Variants in DMAC1 observed in about 807,000 individuals in gnomAD.
DMAC1 encodes the protein distal membrane-arm assembly complex protein 1.
In DMAC1, 10 loss-of-function variants were observed where a neutral mutation model predicts 7.0. The ratio of observed to expected loss-of-function variants is 1.43; its 90% CI spans 0.88 to 2.43. The LOEUF is 2.43. Ranked by LOEUF, DMAC1 falls within the 30% of genes most tolerant of loss-of-function variation. The pLI, the probability that DMAC1 is intolerant of heterozygous loss-of-function variation, is 0.00. For missense variants in DMAC1, 219 were observed against 158.7 expected (o/e 1.38, Z -2.04); for synonymous variants, 92 against 66.2 (o/e 1.39, Z -1.90).
At chr9:7,799,368 GCC>G in intron 1 of DMAC1, 91 bp downstream of exon 1, 1 of 208 alleles carries the variant, frequency 4.8e-3, no homozygotes. Flanking sequence ...GCAGCACCCC[GCC>G]TCCCCGCCTC....
rs368076885 is a variant in DMAC1, at chr9:7,797,553, C to T, written c.*1020G>A. On this transcript the variant is annotated 3_prime_UTR_variant, in exon 2 of 2. Coordinates refer to ENST00000358227, the MANE Select transcript of DMAC1 (RefSeq NM_033428.3). The stretch of plus-strand genomic sequence containing the variant: ...TTGAAAAACACTTTATATACCTTTA[C>T]AAAGAAGCCATAGTATCTCAGGGTA... The T allele has an allele frequency of 6.6e-6, 1 of 152,160 alleles. No homozygotes were observed. The highest frequency in any genetic ancestry group is 1.5e-5 in the Non-Finnish European group (1 of 68,030). 9.4% of individuals were successfully genotyped at this position (152,160 alleles called of 1,614,324 possible). A position where few individuals can be genotyped will look rare whatever the true frequency, so the allele number is the denominator to read the frequency against.
Position 7,798,648 on chromosome 9 carries a change from A to C in DMAC1, c.275-11T>G, listed in dbSNP as rs1818670627. ...CCCAGGTGGCAATGCCTAGAAAAAA[A>C]ACAACAATACCTTACCTTTATGCTG... is the stretch of plus-strand genomic sequence containing the variant. On this transcript the variant is annotated splice_polypyrimidine_tract_variant and intron_variant, in intron 1 of 1. Transcript: ENST00000358227. The C allele has an allele frequency of 6.4e-7, 1 of 1,553,470 alleles. No individual in the cohort carries two copies. The highest frequency in any genetic ancestry group is 1.4e-5 in the African/African-American group (1 of 73,406).
At chr9:7,798,698 C>T in intron 1 of DMAC1, 61 bp from the exon 2 acceptor site, 2 of 1,361,564 alleles carry the variant, frequency 1.5e-6, no homozygotes, top group Admixed American at 2.3e-5. Context: ...AAGTGTTTCA[C>T]ATATACGCCA....
chr9:7,799,444 T>A lies in DMAC1; in HGVS notation c.274+17A>T. 1 of 1,612,124 alleles carries A rather than the reference T, an allele frequency of 6.2e-7. No homozygotes were observed. Among genetic ancestry groups the A allele is most frequent in the Non-Finnish European group, 8.5e-7 (1 of 1,179,902 alleles). ...GCAGATACCCAACCCGCCCAAGTGC[T>A]GTGCCTTGATTCTCACTGAGGCCGA... is the stretch of plus-strand genomic sequence containing the variant. On this transcript the variant is annotated intron_variant, in intron 1 of 1. Transcript: ENST00000358227.
In DMAC1 at chr9:7,796,849, T is replaced by C. The variant is rs1171154553; in HGVS notation, c.*1724A>G. ...TATAATACATACAACACAAAAAATG[T>C]GTTAATCAACTGCTTTATGTTATCA... On this transcript the variant is annotated 3_prime_UTR_variant, in exon 2 of 2. Coordinates refer to ENST00000358227, the MANE Select transcript of DMAC1 (RefSeq NM_033428.3). 5.5e-5 allele frequency: 4 copies of C among 72,242 alleles called. No individual in the cohort carries two copies. In the Admixed American group the frequency reaches 5.7e-4, roughly 10 times the overall value. 4.5% of individuals were successfully genotyped at this position (72,242 alleles called of 1,614,324 possible).
chr9:7,799,705 C>T lies in DMAC1; in HGVS notation c.30G>A (p.Glu10=), dbSNP rs1246180295. 4 of 1,570,544 alleles carry T rather than the reference C, an allele frequency of 2.5e-6. No individual in the cohort carries two copies. In the African/African-American group the frequency reaches 4.1e-5, roughly 16 times the overall value. Residue 10 remains glutamate, a synonymous_variant, in exon 1 of 2, where the codon GAG becomes GAA. Coordinates refer to ENST00000358227, the MANE Select transcript of DMAC1 (RefSeq NM_033428.3). MGSRLSQPF[E]SYITAPPGTA... ...TACCGGGAGGCGCAGTGATATAGGA[C>T]TCAAAAGGCTGGGACAACCGAGACC...
chr9:7,799,392 G>A, intron 1 of DMAC1, 69 bp downstream of exon 1: 2 of 1,552,358 alleles, frequency 1.3e-6, no homozygotes, highest in Non-Finnish European at 1.7e-6. Context: ...CCGCCCACGT[G>A]GCTGCTCCGT....
In DMAC1 at chr9:7,799,694, G is replaced by C; in HGVS notation, c.41C>G (p.Thr14Ser). The C allele has an allele frequency of 6.3e-7, 1 of 1,592,224 alleles. No individual in the cohort carries two copies. Among genetic ancestry groups the C allele is most frequent in the South Asian group, 1.1e-5 (1 of 87,970 alleles). Residue 14 changes from threonine (T) to serine (S), a missense_variant, in exon 1 of 2, where the codon ACT becomes AGT. Transcript: ENST00000358227. ...CGCGGCGGCGGTACCGGGAGGCGCA[G>C]TGATATAGGACTCAAAAGGCTGGGA... ...RLSQPFESYITAPPGTAAAPA... is the reference protein window; with the variant it reads ...RLSQPFESYISAPPGTAAAPA...
rs1563831071 is a variant in DMAC1, at chr9:7,799,645, A to G, written c.90T>C (p.Ala30=). ...CTGGGGAGGTCGGCGCTCCGGGTGT[A>G]GCTGGGGGCGCAGGTTTGGCGGGCG... ...AAAPAKPAPP[A]TPGAPTSPAE... The change falls in exon 1 of 2, where the codon GCT becomes GCC. Residue 30 remains alanine, a synonymous_variant. Coordinates refer to ENST00000358227, the MANE Select transcript of DMAC1 (RefSeq NM_033428.3). The G allele has an allele frequency of 6.2e-7, 1 of 1,612,202 alleles. No individual in the cohort carries two copies. Among genetic ancestry groups the G allele is most frequent in the South Asian group, 1.1e-5 (1 of 90,936 alleles).
At position 7,797,090 on chromosome 9, in the gene DMAC1, C is replaced by T. The variant is rs1388122827; in HGVS notation, c.*1483G>A. Reference sequence around the variant, plus strand: ...TTTTGGTTTAACCAAAGAAAATGTTCAGGGACTAAAGCAGTCCATCAATAG... The same window carrying T: ...TTTTGGTTTAACCAAAGAAAATGTTTAGGGACTAAAGCAGTCCATCAATAG... On this transcript the variant is annotated 3_prime_UTR_variant, in exon 2 of 2. Transcript: ENST00000358227. 1 of 152,130 alleles carries T rather than the reference C, an allele frequency of 6.6e-6. No homozygotes were observed. The highest frequency in any genetic ancestry group is 1.5e-5 in the Non-Finnish European group (1 of 68,018). The allele number at this position is 152,130 out of a possible 1,614,324, so 9.4% of individuals were successfully genotyped here.
rs1462759176 is a variant in DMAC1 at position 7,797,748 on chromosome 9, G to C, written c.*825C>G. On this transcript the variant is annotated 3_prime_UTR_variant, in exon 2 of 2. Coordinates refer to ENST00000358227, the MANE Select transcript of DMAC1 (RefSeq NM_033428.3). ...TTTGAATTTTTCTTGTGACATTTAA[G>C]TCTTTTATTGTATGCTGATTTTTAT... is the stretch of plus-strand genomic sequence containing the variant. 1.3e-5 allele frequency: 2 copies of C among 150,958 alleles called. No individual in the cohort carries two copies. Among genetic ancestry groups the C allele is most frequent in the Non-Finnish European group, 2.9e-5 (2 of 67,802 alleles). 9.4% of individuals were successfully genotyped at this position (150,958 alleles called of 1,614,324 possible).
Position 7,798,044 on chromosome 9 carries a change from T to C in DMAC1, c.*529A>G, listed in dbSNP as rs1395740335. 6.6e-6 allele frequency: 1 copy of C among 152,482 alleles called. No individual in the cohort carries two copies. Among genetic ancestry groups the C allele is most frequent in the Non-Finnish European group, 1.5e-5 (1 of 68,262 alleles). 9.4% of individuals were successfully genotyped at this position (152,482 alleles called of 1,614,324 possible). ...AGAAAATTTCACGTACTTCTATATA[T>C]TGCATGATGCCCACCCAGGGTTAGG... On this transcript the variant is annotated 3_prime_UTR_variant, in exon 2 of 2. Transcript: ENST00000358227.
In DMAC1 at chr9:7,799,505, T is replaced by G; in HGVS notation, c.230A>C (p.Tyr77Ser). 1.2e-6 allele frequency: 2 copies of G among 1,612,646 alleles called. No homozygotes were observed. Among genetic ancestry groups the G allele is most frequent in the Non-Finnish European group, 1.7e-6 (2 of 1,179,874 alleles). Reference sequence around the variant, plus strand: ...CGTAATGGTCCATGGACTCGGGGGGTATCCCATCTTCATGGGCTTCCGTGC... The same window carrying G: ...CGTAATGGTCCATGGACTCGGGGGGGATCCCATCTTCATGGGCTTCCGTGC... ...WVARKPMKMG[Y>S]PPSPWTITQM... is the part of the protein sequence containing the mutation. The change falls in exon 1 of 2, where the codon TAC becomes TCC. Residue 77 changes from tyrosine to serine, a missense_variant. Physicochemically the swap from Tyr to Ser is moderately radical, Grantham distance 144 (BLOSUM62 -2). Transcript: ENST00000358227.
In DMAC1 at chr9:7,796,901, AACT is replaced by A. The variant is rs1373964896; in HGVS notation, c.*1669_*1671del. The A allele has an allele frequency of 1.3e-5, 2 of 148,592 alleles. No homozygotes were observed. Among genetic ancestry groups the A allele is most frequent in the Non-Finnish European group, 3.0e-5 (2 of 66,502 alleles). The allele number at this position is 148,592 out of a possible 1,614,324, so 9.2% of individuals were successfully genotyped here. A position where few individuals can be genotyped will look rare whatever the true frequency, so the allele number is the denominator to read the frequency against. On this transcript the variant is annotated 3_prime_UTR_variant, in exon 2 of 2. Coordinates refer to ENST00000358227, the MANE Select transcript of DMAC1 (RefSeq NM_033428.3). ...TAAGGCTTCCAGTCAATTGTAAACTAACTACTAATTAAGTTTTTGAGGAGTCAG... is the reference window on the plus strand; with the variant it reads ...TAAGGCTTCCAGTCAATTGTAAACTAACTAATTAAGTTTTTGAGGAGTCAG...
chr9:7,799,109 C>T (rs1354932809), intron 1 of DMAC1, among the ~76,000 whole-genome samples: 1 of 152,034 alleles, frequency 6.6e-6, no homozygotes, highest in Non-Finnish European at 1.5e-5. Flanking sequence ...GCTTTGAGAT[C>T]TGATATACCT....
chr9:7,798,582 G>A lies in DMAC1; in HGVS notation c.330C>T (p.Arg110=), dbSNP rs147562578. 8 of 1,612,774 alleles carry A rather than the reference G, an allele frequency of 5.0e-6. No individual in the cohort carries two copies. Among genetic ancestry groups the A allele is most frequent in the Non-Finnish European group, 6.8e-6 (8 of 1,179,186 alleles). Reference sequence around the variant, plus strand: ...TTCACTGGTGGTACTTTCAAACAACGCGGTAGGCCTTCCCTTTGGGGTCTG... The same window carrying A: ...TTCACTGGTGGTACTTTCAAACAACACGGTAGGCCTTCCCTTTGGGGTCTG... ...VMADPKGKAY[R]VV is the part of the protein sequence containing the mutation. The change falls in exon 2 of 2, where the codon CGC becomes CGT. Residue 110 remains arginine, a synonymous_variant. Coordinates refer to ENST00000358227, the MANE Select transcript of DMAC1 (RefSeq NM_033428.3).
At position 7,799,775 on chromosome 9, in the gene DMAC1, A is replaced by C; in HGVS notation, c.-41T>G. The C allele has an allele frequency of 6.7e-7, 1 of 1,489,884 alleles. No homozygotes were observed. The highest frequency in any genetic ancestry group is 8.9e-7 in the Non-Finnish European group (1 of 1,125,606). The allele number at this position is 1,489,884 out of a possible 1,614,324, so 92.3% of individuals were successfully genotyped here. ...CTCAACCTTGGGCGTCTTTGGTTCA[A>C]ACTGGCGTAAACGACGCACCGGAAG... On this transcript the variant is annotated 5_prime_UTR_variant, in exon 1 of 2. Transcript: ENST00000358227.
rs1209725337 is a variant in DMAC1, at chr9:7,799,357, G to C, written c.274+104C>G. ...GAGGTGCCCCCACCACCTGACCAGC[G>C]GCAGCACCCCGCCTCCCCGCCTCCC... is the stretch of plus-strand genomic sequence containing the variant. On this transcript the variant is annotated intron_variant, in intron 1 of 1. Transcript: ENST00000358227. The C allele has an allele frequency of 2.9e-6, 4 of 1,358,464 alleles. No homozygotes were observed. The African/African-American group carries it at 8.2e-5, about 28-fold the overall frequency. 84.2% of individuals were successfully genotyped at this position (1,358,464 alleles called of 1,614,324 possible).
rs957193942 is a variant in DMAC1 at position 7,797,465 on chromosome 9, C to T, written c.*1108G>A. ...AACAGCCGTAAAGGTACTACCTGCT[C>T]AACATGTCATTCCAAACAAATACAC... On this transcript the variant is annotated 3_prime_UTR_variant, in exon 2 of 2. Coordinates refer to ENST00000358227, the MANE Select transcript of DMAC1 (RefSeq NM_033428.3). The T allele has an allele frequency of 3.9e-5, 6 of 152,200 alleles. No homozygotes were observed. Among genetic ancestry groups the T allele is most frequent in the African/African-American group, 1.4e-4 (6 of 41,452 alleles). 9.4% of individuals were successfully genotyped at this position (152,200 alleles called of 1,614,324 possible). A position where few individuals can be genotyped will look rare whatever the true frequency, so the allele number is the denominator to read the frequency against.
Sources: gnomAD v4.1 joint callset for allele counts (sites outside exome capture counted in the v4.1 genomes callset) on GRCh38, gnomAD v4.1.1 for gene constraint, MANE v1.5 for transcripts, NCBI Gene and HGNC (gene_info 2026-07-23, HGNC 2026-07-21) for gene names.